Variants in ADAMTS16 observed in about 807,000 individuals in gnomAD.
The protein encoded by ADAMTS16 is ADAM metallopeptidase with thrombospondin type 1 motif 16, also known as A disintegrin and metalloproteinase with thrombospondin motifs 16.
Under a neutral mutation model 145.8 loss-of-function variants are expected in ADAMTS16, and 94 were observed. That is an observed-to-expected ratio of 0.64 (90% CI 0.55 to 0.77). ADAMTS16 has a LOEUF of 0.77. Ranked by LOEUF, ADAMTS16 falls within the 30% of genes least tolerant of loss-of-function variation. ADAMTS16 has a pLI of 0.00. For synonymous variants in ADAMTS16, 659 were observed against 604.3 expected, an observed-to-expected ratio of 1.09 and a Z score of -1.33; for missense variants, 1,585 against 1,591.5, an observed-to-expected ratio of 1.00 and a Z score of 0.07.
At chr5:5,258,659 A>G (rs1737882356) in intron 17 of ADAMTS16, among the ~76,000 whole-genome samples, 1 of 152,176 alleles carries the variant, frequency 6.6e-6, no homozygotes, top group African/African-American at 2.4e-5. Flanking sequence ...CCAGGTGGAG[A>G]GAACAGCAGG....
intron 18 of ADAMTS16, among the ~76,000 whole-genome samples, chr5:5,265,245 G>A (rs1014093971): frequency 1.5e-4 from 23 of 152,344 alleles, no homozygotes; most frequent in African/African-American, 5.5e-4. Flanking sequence ...ACAGATTTTA[G>A]TCAGTGATCC....
chr5:5,142,869 T>C (rs1188890152), intron 2 of ADAMTS16, among the ~76,000 whole-genome samples: 4 of 152,078 alleles, frequency 2.6e-5, no homozygotes, highest in African/African-American at 4.8e-5. Flanking sequence ...TATAGATCAA[T>C]AGAACAGAAC....
In ADAMTS16 at chr5:5,167,448, T is replaced by A. The variant is rs149082932; in HGVS notation, c.502-14596T>A. On this transcript the variant is annotated intron_variant, in intron 3 of 22. Coordinates refer to ENST00000274181, the MANE Select transcript of ADAMTS16 (RefSeq NM_139056.4). ...TTGCTTCAATATTTCTCTTTGTGTC[T>A]TTGGAATGTACAGGTACAGGATCTC... Among the ~76,000 whole-genome samples the A allele has an allele frequency of 1.6e-4, 25 of 152,346 alleles. No homozygotes were observed. In the East Asian group the frequency reaches 4.6e-3, roughly 28 times the overall value.
chr5:5,271,165 C>T (rs561356796), intron 18 of ADAMTS16, among the ~76,000 whole-genome samples: 1 of 152,370 alleles, frequency 6.6e-6, no homozygotes, highest in Non-Finnish European at 1.5e-5. Flanking sequence ...ACCCAGAGGC[C>T]GTCCTGCAGC....
At chr5:5,196,826 A>G (rs1735819680) in intron 8 of ADAMTS16, among the ~76,000 whole-genome samples, 2 of 152,198 alleles carry the variant, frequency 1.3e-5, no homozygotes, top group Admixed American at 6.5e-5. Flanking sequence ...CCCATTTTAT[A>G]TATAAAGAAA....
chr5:5,140,620 C>A, intron 1 of ADAMTS16, 44 bp from the exon 2 acceptor site: 1 of 1,526,294 alleles, frequency 6.6e-7, no homozygotes, highest in Non-Finnish European at 8.8e-7. Flanking sequence ...TCCTCTCCCG[C>A]GGACCCCGCC....
intron 17 of ADAMTS16, among the ~76,000 whole-genome samples, chr5:5,261,836 A>G (rs1560974759): frequency 6.6e-6 from 1 of 152,202 alleles, no homozygotes; most frequent in South Asian, 2.1e-4. Flanking sequence ...AAGTACATTC[A>G]CATTGATGTA....
chr5:5,254,868 A>G (rs1579344976), intron 17 of ADAMTS16, among the ~76,000 whole-genome samples: 2 of 152,274 alleles, frequency 1.3e-5, no homozygotes, highest in Non-Finnish European at 1.5e-5. Flanking sequence ...GTGCTAAAAT[A>G]TACTACATTA....
intron 11 of ADAMTS16, among the ~76,000 whole-genome samples, chr5:5,226,879 TG>T (rs979811725): frequency 1.3e-5 from 2 of 152,202 alleles, no homozygotes; most frequent in Non-Finnish European, 2.9e-5. Flanking sequence ...AAAGAGACCC[TG>T]GGTTCCTCTG....
chr5:5,286,686 G>A lies in ADAMTS16; in HGVS notation c.2790-16582G>A, dbSNP rs548291317. Among the ~76,000 whole-genome samples the A allele has an allele frequency of 1.8e-3, 271 of 151,772 alleles. 3 individuals are homozygous for A. The highest frequency in any genetic ancestry group is 3.1e-3 in the Non-Finnish European group (210 of 67,922). On this transcript the variant is annotated intron_variant, in intron 18 of 22. Coordinates refer to ENST00000274181, the MANE Select transcript of ADAMTS16 (RefSeq NM_139056.4). The stretch of plus-strand genomic sequence containing the variant: ...ATCCTGGCTAACACGGTGAAACCCC[G>A]TCTCTACTAAAAATACAAAAAATTA...
At chr5:5,254,398 AT>A (rs942413452) in intron 17 of ADAMTS16, among the ~76,000 whole-genome samples, 4 of 152,060 alleles carry the variant, frequency 2.6e-5, no homozygotes, top group African/African-American at 2.4e-5. Flanking sequence ...ACTTATAATA[AT>A]TTTTTTTATT....
At chr5:5,237,994 A>G (rs181780913) in intron 14 of ADAMTS16, among the ~76,000 whole-genome samples, 4 of 152,112 alleles carry the variant, frequency 2.6e-5, no homozygotes, top group Admixed American at 1.3e-4. Context: ...GAGTCCAAAA[A>G]CATCTTTTCT....
chr5:5,266,027 TGA>T (rs1203040168), intron 18 of ADAMTS16, among the ~76,000 whole-genome samples: 2 of 142,398 alleles, frequency 1.4e-5, no homozygotes, highest in East Asian at 4.2e-4. Context: ...TGTGTGTGTG[TGA>T]CTTTCACATG....
chr5:5,284,448 T>A (rs574813278), intron 18 of ADAMTS16, among the ~76,000 whole-genome samples: 4 of 152,368 alleles, frequency 2.6e-5, no homozygotes, highest in African/African-American at 9.6e-5. Context: ...GAATTGTCTA[T>A]GTAAGTGGAT....
chr5:5,203,973 C>T lies in ADAMTS16; in HGVS notation c.1451+3704C>T, dbSNP rs563939092. ...TGTGCATAATGGAAATAATACATTT[C>T]GAGTCACACACTGCTCTGTGATACA... On this transcript the variant is annotated intron_variant, in intron 9 of 22. Coordinates refer to ENST00000274181, the MANE Select transcript of ADAMTS16 (RefSeq NM_139056.4). Among the ~76,000 whole-genome samples, 49 of 152,230 alleles carry T rather than the reference C, an allele frequency of 3.2e-4. 1 individual carries two copies. The highest frequency in any genetic ancestry group is 1.2e-3 in the Admixed American group (19 of 15,294).
At chr5:5,268,112 G>A (rs558362136) in intron 18 of ADAMTS16, among the ~76,000 whole-genome samples, 1 of 152,170 alleles carries the variant, frequency 6.6e-6, no homozygotes, top group Non-Finnish European at 1.5e-5. Context: ...CACATCCCAA[G>A]ATTATAAGCT....
At chr5:5,212,124 T>C (rs924773812) in intron 10 of ADAMTS16, among the ~76,000 whole-genome samples, 1 of 152,062 alleles carries the variant, frequency 6.6e-6, no homozygotes, top group Non-Finnish European at 1.5e-5. Flanking sequence ...CAAAGATGAG[T>C]GTTAAAATCT....
rs1560939678 is a variant in ADAMTS16 at position 5,186,304 on chromosome 5, GTGTGTGTGT to G, written c.963+54_963+62del. On this transcript the variant is annotated intron_variant, in intron 5 of 22. Transcript: ENST00000274181. ...CCTGTGTCATTGCACTTCGTAGGGT[GTGTGTGTGT>G]GTGTGTGTGTGTGTGTGTGTGTTTC... 9.0e-5 allele frequency: 97 copies of G among 1,082,146 alleles called. 1 individual carries two copies. The highest frequency in any genetic ancestry group is 4.4e-4 in the Middle Eastern group (2 of 4,564). 67.0% of individuals were successfully genotyped at this position (1,082,146 alleles called of 1,614,324 possible). A position where few individuals can be genotyped will look rare whatever the true frequency, so the allele number is the denominator to read the frequency against.
intron 21 of ADAMTS16, among the ~76,000 whole-genome samples, chr5:5,316,211 C>G (rs10054831): frequency 0.033 from 5,009 of 152,254 alleles, 259 homozygotes; most frequent in African/African-American, 0.11. Context: ...CTGGAATGGT[C>G]TCTGACATAC....
Sources: allele counts gnomAD v4.1 joint callset (sites outside exome capture counted in the v4.1 genomes callset), GRCh38; gene constraint gnomAD v4.1.1; transcripts MANE v1.5; gene names NCBI Gene and HGNC (gene_info 2026-07-23, HGNC 2026-07-21).